Variants in NPAS3 observed in about 807,000 individuals in gnomAD.
NPAS3 encodes neuronal PAS domain protein 3, also known as neuronal PAS domain-containing protein 3.
A neutral mutation model predicts 73.1 loss-of-function variants in NPAS3; 14 were observed. The observed-to-expected ratio is 0.19, with a 90% CI of 0.13 to 0.30. NPAS3 has a LOEUF of 0.30. Among genes scored for constraint, NPAS3 ranks in the 10% least tolerant of loss-of-function variants. The pLI is 1.00. For missense variants in NPAS3, 1,096 were observed against 1,250.0 expected, an observed-to-expected ratio of 0.88 and a Z score of 1.86; for synonymous variants, 620 against 541.5, an observed-to-expected ratio of 1.14 and a Z score of -2.01.
At chr14:33,202,671 TTAAAA>T (rs964104367) in intron 2 of NPAS3, among the ~76,000 whole-genome samples, 13 of 151,386 alleles carry the variant, frequency 8.6e-5, no homozygotes, top group African/African-American at 3.2e-4. Flanking sequence ...ATATTTTTAT[TTAAAA>T]TAAAAAACAA....
intron 5 of NPAS3, among the ~76,000 whole-genome samples, chr14:33,640,101 C>G (rs1042189978): frequency 6.6e-6 from 1 of 151,926 alleles, no homozygotes; most frequent in Non-Finnish European, 1.5e-5. Context: ...TCCGTAATCC[C>G]AGCTACTCAG....
At chr14:33,488,501 C>CA (rs2051723279) in intron 4 of NPAS3, among the ~76,000 whole-genome samples, 2 of 152,160 alleles carry the variant, frequency 1.3e-5, no homozygotes, top group Non-Finnish European at 2.9e-5. Flanking sequence ...CCCAAAATCT[C>CA]ATTTTAGGAA....
chr14:33,431,199 T>G (rs1175936474), intron 4 of NPAS3, among the ~76,000 whole-genome samples: 5 of 152,196 alleles, frequency 3.3e-5, no homozygotes, highest in African/African-American at 1.2e-4. Flanking sequence ...AACATGATTT[T>G]TGATTTGTTA....
chr14:33,304,229 A>G (rs923053473), intron 3 of NPAS3, among the ~76,000 whole-genome samples: 1 of 152,196 alleles, frequency 6.6e-6, no homozygotes, highest in African/African-American at 2.4e-5. Context: ...GTGGAACTTG[A>G]AGTTGAACTA....
chr14:33,117,905 G>A (rs554127271), intron 2 of NPAS3, among the ~76,000 whole-genome samples: 71 of 151,996 alleles, frequency 4.7e-4, no homozygotes, highest in African/African-American at 1.7e-3. Context: ...CATATTAACT[G>A]ACATAGAAAA....
At chr14:33,051,296 A>AAG (rs1555328994) in intron 1 of NPAS3, among the ~76,000 whole-genome samples, 3 of 142,528 alleles carry the variant, frequency 2.1e-5, no homozygotes, top group Non-Finnish European at 4.5e-5. Context: ...AAAAAAAAAA[A>AAG]AGAGAGACTA....
intron 1 of NPAS3, among the ~76,000 whole-genome samples, chr14:33,012,223 C>T (rs1448988861): frequency 2.0e-5 from 3 of 152,170 alleles, no homozygotes; most frequent in Non-Finnish European, 2.9e-5. Flanking sequence ...ACACTTGTTA[C>T]AGGTTTTAAC....
chr14:33,516,760 G>A (rs1447392036), intron 4 of NPAS3, among the ~76,000 whole-genome samples: 4 of 152,096 alleles, frequency 2.6e-5, no homozygotes, highest in South Asian at 4.1e-4. Context: ...GATGGTGGTC[G>A]TGATAATGAT....
Position 33,685,623 on chromosome 14 carries a change from CACTA to C in NPAS3, c.733+9246_733+9249del, listed in dbSNP as rs1242210234. 3.9e-5 allele frequency among the ~76,000 whole-genome samples: 6 copies of C among 152,148 alleles called. 1 individual carries two copies. The highest frequency in any genetic ancestry group is 2.0e-4 in the Admixed American group (3 of 15,278). On this transcript the variant is annotated intron_variant, in intron 6 of 11. Coordinates refer to ENST00000356141, the Ensembl canonical transcript of NPAS3. The stretch of plus-strand genomic sequence containing the variant: ...CCTTCCATTTATACAGAGCAGATTT[CACTA>C]ACTAACTGAAATTCAGGAAATTCTA...
At chr14:33,079,834 A>G (rs2041808156) in intron 2 of NPAS3, among the ~76,000 whole-genome samples, 1 of 151,294 alleles carries the variant, frequency 6.6e-6, no homozygotes, top group African/African-American at 2.4e-5. Flanking sequence ...CTGGTCTCAA[A>G]TTCCTGACCT....
chr14:32,995,849 T>C (rs1004856360), intron 1 of NPAS3, among the ~76,000 whole-genome samples: 14 of 152,204 alleles, frequency 9.2e-5, no homozygotes, highest in Non-Finnish European at 1.9e-4. Context: ...GAAAATGGAC[T>C]AATACAGTAA....
At chr14:33,766,409 A>G (rs1432544441) in intron 7 of NPAS3, among the ~76,000 whole-genome samples, 1 of 152,210 alleles carries the variant, frequency 6.6e-6, no homozygotes. Context: ...AAACAAGTGA[A>G]AGATCATGGA....
chr14:33,475,048 G>A (rs1415285076), intron 4 of NPAS3, among the ~76,000 whole-genome samples: 7 of 152,032 alleles, frequency 4.6e-5, no homozygotes, highest in Non-Finnish European at 7.4e-5. Flanking sequence ...GATTGATTCC[G>A]AAGCTGACAT....
intron 11 of NPAS3, among the ~76,000 whole-genome samples, chr14:33,799,365 A>G (rs1041637299): frequency 6.6e-6 from 1 of 152,102 alleles, no homozygotes; most frequent in Admixed American, 6.5e-5. Flanking sequence ...CTTCCTGAGT[A>G]TCTTTGTGGG....
chr14:33,586,221 T>C (rs1401491260), intron 5 of NPAS3, among the ~76,000 whole-genome samples: 1 of 124,576 alleles, frequency 8.0e-6, no homozygotes, highest in East Asian at 2.3e-4. Flanking sequence ...CAACAATCTT[T>C]ACTTTCCAAG....
intron 2 of NPAS3, among the ~76,000 whole-genome samples, chr14:33,124,445 T>C (rs1232238648): frequency 1.3e-5 from 2 of 152,144 alleles, no homozygotes; most frequent in Non-Finnish European, 2.9e-5. Flanking sequence ...TTTCCTCCTC[T>C]GTAAAATGAG....
intron 2 of NPAS3, among the ~76,000 whole-genome samples, chr14:33,127,567 AGTTTATCCCT>A (rs762484643): frequency 1.3e-5 from 2 of 152,084 alleles, no homozygotes; most frequent in Non-Finnish European, 2.9e-5. Flanking sequence ...AAAGGATAAT[AGTTTATCCCT>A]GCTCCCTTAT....
intron 4 of NPAS3, among the ~76,000 whole-genome samples, chr14:33,446,776 G>A (rs2049528050): frequency 2.0e-5 from 3 of 152,038 alleles, no homozygotes; most frequent in Non-Finnish European, 1.5e-5. Flanking sequence ...TATAGCATTA[G>A]TTACAGAGAA....
intron 6 of NPAS3, among the ~76,000 whole-genome samples, chr14:33,703,331 A>T (rs1342923239): frequency 6.6e-6 from 1 of 152,064 alleles, no homozygotes; most frequent in African/African-American, 2.4e-5. Context: ...TACAAAAAAA[A>T]AATTTTGAAA....
Sources: allele counts gnomAD v4.1 joint callset (sites outside exome capture counted in the v4.1 genomes callset), GRCh38; gene constraint gnomAD v4.1.1; transcripts MANE v1.5; gene names NCBI Gene and HGNC (gene_info 2026-07-23, HGNC 2026-07-21).